The following THAP12 variants were observed in gnomAD, a reference collection of about 807,000 sequenced individuals.
The protein encoded by THAP12 is THAP domain containing 12.
THAP12 carries 20 observed loss-of-function variants against 63.0 expected under a neutral mutation model. That is an observed-to-expected ratio of 0.32 (90% CI 0.22 to 0.46). The LOEUF (loss-of-function observed/expected upper bound fraction) is 0.46, where lower values mean the gene tolerates loss of function less well. THAP12 is among the 20% of genes least tolerant of loss of function. The probability of loss-of-function intolerance (pLI) is 1.00; values close to 1 mark genes in which losing one functional copy is unlikely to be tolerated. For synonymous variants in THAP12, 264 were observed against 328.4 expected, an observed-to-expected ratio of 0.80 and a Z score of 2.12; for missense variants, 568 against 908.2, an observed-to-expected ratio of 0.63 and a Z score of 4.81.
At chr11:76,358,990 T>A (rs528889861) in intron 3 of THAP12, 9 of 152,102 alleles carry the variant, frequency 5.9e-5, no homozygotes, top group Admixed American at 6.5e-5. Flanking sequence ...ACAGAAAAAA[T>A]TAAAATAATA....
intron 1 of THAP12, among the ~76,000 whole-genome samples, chr11:76,367,784 A>G (rs1260883799): frequency 1.3e-5 from 2 of 151,562 alleles, no homozygotes; most frequent in Non-Finnish European, 2.9e-5. Flanking sequence ...ACTATTGTCC[A>G]CCTCCCCCCA....
chr11:76,362,444 A>G lies in THAP12; in HGVS notation c.211-1381T>C, dbSNP rs376214598. Among the ~76,000 whole-genome samples, 19 of 152,364 alleles carry G rather than the reference A, an allele frequency of 1.2e-4. 1 individual carries two copies. Among genetic ancestry groups the G allele is most frequent in the Middle Eastern group, 6.8e-3 (2 of 294 alleles). On this transcript the variant is annotated intron_variant, in intron 2 of 4. Coordinates refer to ENST00000260045, the MANE Select transcript of THAP12 (RefSeq NM_004705.4). ...ACACATTTGGGATGAATTTCTATTC[A>G]GAGTCAATATTTTCTAGTTCAATTC...
chr11:76,363,960 C>T (rs1946615288), intron 2 of THAP12, among the ~76,000 whole-genome samples: 1 of 152,158 alleles, frequency 6.6e-6, no homozygotes. Context: ...AGAACATTTT[C>T]TCACATTTGC....
Position 76,362,337 on chromosome 11 carries a change from A to G in THAP12, c.211-1274T>C, listed in dbSNP as rs1281880182. Reference sequence around the variant, plus strand: ...AACTTCTAAATTTGTTCACCCAAGGAAGGGAGGTTGGGAAGACATGAAGGG... The same window carrying G: ...AACTTCTAAATTTGTTCACCCAAGGGAGGGAGGTTGGGAAGACATGAAGGG... On this transcript the variant is annotated intron_variant, in intron 2 of 4. Coordinates refer to ENST00000260045, the MANE Select transcript of THAP12 (RefSeq NM_004705.4). Among the ~76,000 whole-genome samples, 4 of 152,248 alleles carry G rather than the reference A, an allele frequency of 2.6e-5. No individual in the cohort carries two copies. In the East Asian group the frequency reaches 5.8e-4, roughly 22 times the overall value.
chr11:76,379,482 A>G (rs990423581), intron 1 of THAP12, among the ~76,000 whole-genome samples: 4 of 152,048 alleles, frequency 2.6e-5, no homozygotes, highest in African/African-American at 9.7e-5. Flanking sequence ...TTCTGGTCTC[A>G]TCTCACCTCT....
At chr11:76,365,046 C>T (rs1027366931) in intron 2 of THAP12, among the ~76,000 whole-genome samples, 2 of 151,984 alleles carry the variant, frequency 1.3e-5, no homozygotes, top group African/African-American at 4.8e-5. Flanking sequence ...TTTGGGAGGC[C>T]GAGGTGGGCG....
intron 1 of THAP12, among the ~76,000 whole-genome samples, chr11:76,372,607 A>G (rs912415488): frequency 3.3e-5 from 5 of 149,948 alleles, no homozygotes; most frequent in African/African-American, 9.9e-5. Flanking sequence ...AAAAAAAAAA[A>G]GGGACCGGGC....
intron 1 of THAP12, among the ~76,000 whole-genome samples, chr11:76,369,022 A>G (rs10736804): frequency 0.36 from 55,438 of 152,122 alleles, 10,366 homozygotes; most frequent in Non-Finnish European, 0.42. Flanking sequence ...ACTCACATTC[A>G]AAATATATAT....
intron 1 of THAP12, 61 bp downstream of exon 1, chr11:76,380,687 C>T (rs898240243): frequency 8.0e-7 from 1 of 1,245,382 alleles, no homozygotes; most frequent in Non-Finnish European, 1.0e-6. Flanking sequence ...CAGGGGCCGG[C>T]GGCTGGCAGC....
In THAP12 at chr11:76,355,653, C is replaced by T. The variant is rs1208864969; in HGVS notation, c.320G>A (p.Ser107Asn). The T allele has an allele frequency of 4.4e-6, 7 of 1,590,876 alleles. No individual in the cohort carries two copies. The highest frequency in any genetic ancestry group is 1.8e-5 in the Admixed American group (1 of 56,332). Reference sequence around the variant, plus strand: ...TTTCAGTGTCCTGATTTCATCTTCACTCTAAATGTCAAGAAAAAAAAAGAA... The same window carrying T: ...TTTCAGTGTCCTGATTTCATCTTCATTCTAAATGTCAAGAAAAAAAAAGAA... ...SRHRKRIKEL[S>N]EDEIRTLKQK... is the part of the protein sequence containing the mutation. The change falls in exon 4 of 5, where the codon AGT becomes AAT. Residue 107 changes from serine (S) to asparagine (N), a missense_variant and splice_region_variant. Coordinates refer to ENST00000260045, the MANE Select transcript of THAP12 (RefSeq NM_004705.4).
intron 3 of THAP12, among the ~76,000 whole-genome samples, chr11:76,360,540 T>C (rs1383965770): frequency 6.6e-6 from 1 of 152,240 alleles, no homozygotes; most frequent in East Asian, 1.9e-4. Context: ...ACATATTTAA[T>C]AGTGATAGAA....
At chr11:76,373,335 C>T (rs1946687072) in intron 1 of THAP12, among the ~76,000 whole-genome samples, 1 of 140,392 alleles carries the variant, frequency 7.1e-6, no homozygotes, top group African/African-American at 2.7e-5. Flanking sequence ...GACAGTGAGA[C>T]ACTGTCTCAA....
rs144420226 is a variant in THAP12, at chr11:76,351,245, A to G, written c.1905T>C (p.Pro635=). 3.9e-6 allele frequency: 6 copies of G among 1,555,104 alleles called. No homozygotes were observed. The African/African-American group carries it at 8.2e-5, about 21-fold the overall frequency. The part of the protein sequence containing the change: ...ADMYRSDLPN[P]DTLSAELHCW... ...AATGAAGCTCAGCTGACAGCGTGTC[A>G]GGATTGGGTAAGTCACTTCTATACA... The change falls in exon 5 of 5, where the codon CCT becomes CCC. Residue 635 remains proline, a synonymous_variant. Coordinates refer to ENST00000260045, the MANE Select transcript of THAP12 (RefSeq NM_004705.4).
At chr11:76,376,694 T>TA (rs1946713835) in intron 1 of THAP12, among the ~76,000 whole-genome samples, 1 of 147,066 alleles carries the variant, frequency 6.8e-6, no homozygotes, top group African/African-American at 2.5e-5. Flanking sequence ...CTAAAAATGA[T>TA]AAAAGTCACT....
chr11:76,362,999 G>A (rs1400294614), intron 2 of THAP12, among the ~76,000 whole-genome samples: 1 of 152,016 alleles, frequency 6.6e-6, no homozygotes, highest in African/African-American at 2.4e-5. Flanking sequence ...AAAAATTAGC[G>A]AGGTATGGTG....
At chr11:76,359,460 G>A (rs1025555643) in intron 3 of THAP12, 4 of 152,058 alleles carry the variant, frequency 2.6e-5, no homozygotes, top group African/African-American at 9.7e-5. Flanking sequence ...AGCTAATATT[G>A]TAAAGATGTC....
At chr11:76,375,954 T>C (rs1326617768) in intron 1 of THAP12, among the ~76,000 whole-genome samples, 2 of 152,082 alleles carry the variant, frequency 1.3e-5, no homozygotes, top group African/African-American at 2.4e-5. Context: ...AAGCCAGACA[T>C]AAAAGGAGAA....
chr11:76,358,303 A>G (rs541212906), intron 3 of THAP12: 1 of 152,322 alleles, frequency 6.6e-6, no homozygotes, highest in South Asian at 2.1e-4. Context: ...CAAGATTCAC[A>G]AATGTAAAAT....
At chr11:76,355,936 G>A (rs990966504) in intron 3 of THAP12, 6 of 250,360 alleles carry the variant, frequency 2.4e-5, no homozygotes, top group Non-Finnish European at 4.5e-5. Flanking sequence ...GGTTATAAGT[G>A]TTTACTGGCT....
Sources: gnomAD v4.1 joint callset for allele counts (sites outside exome capture counted in the v4.1 genomes callset) on GRCh38, gnomAD v4.1.1 for gene constraint, MANE v1.5 for transcripts, NCBI Gene and HGNC (gene_info 2026-07-23, HGNC 2026-07-21) for gene names.